FAM171A1: variants seen among roughly 807,000 people sequenced by gnomAD.
FAM171A1 encodes protein FAM171A1.
In FAM171A1, 23 loss-of-function variants were observed where a neutral mutation model predicts 74.9. That is an observed-to-expected ratio of 0.31 (90% CI 0.22 to 0.44). FAM171A1 has a LOEUF of 0.44. Ranked by LOEUF, FAM171A1 falls within the 20% of genes least tolerant of loss-of-function variation. The pLI is 1.00. For synonymous variants in FAM171A1, 527 were observed against 505.7 expected (o/e 1.04, Z -0.57); for missense variants, 1,162 against 1,159.2 (o/e 1.00, Z -0.03).
At chr10:15,285,952 G>C (rs1358046025) in intron 1 of FAM171A1, among the ~76,000 whole-genome samples, 3 of 152,220 alleles carry the variant, frequency 2.0e-5, no homozygotes, top group African/African-American at 7.2e-5. Flanking sequence ...TCTCACTGGA[G>C]GTTCGAATCT....
At chr10:15,373,664 T>C (rs1177531576), upstream of FAM171A1, among the ~76,000 whole-genome samples, 4 of 152,190 alleles carry the variant, frequency 2.6e-5, no homozygotes, top group African/African-American at 7.2e-5. Flanking sequence ...GGGAGAAGGA[T>C]AGATGTGACC....
At chr10:15,265,069 A>T (rs1052990236) in intron 3 of FAM171A1, among the ~76,000 whole-genome samples, 1 of 152,208 alleles carries the variant, frequency 6.6e-6, no homozygotes, top group African/African-American at 2.4e-5. Context: ...AATTTTAAAA[A>T]GCTGGCATGG....
At chr10:15,271,580 T>A (rs1834825488) in intron 3 of FAM171A1, among the ~76,000 whole-genome samples, 1 of 152,024 alleles carries the variant, frequency 6.6e-6, no homozygotes, top group Admixed American at 6.5e-5. Context: ...CACATAATTG[T>A]CAGATTCACC....
intron 4 of FAM171A1, among the ~76,000 whole-genome samples, chr10:15,251,400 C>T (rs893384722): frequency 4.1e-5 from 6 of 147,754 alleles, no homozygotes; most frequent in African/African-American, 7.5e-5. Flanking sequence ...TATTCTGCAA[C>T]GATTTTTTTT....
At chr10:15,315,387 T>C (rs886501070) in intron 1 of FAM171A1, among the ~76,000 whole-genome samples, 2 of 152,242 alleles carry the variant, frequency 1.3e-5, no homozygotes, top group African/African-American at 4.8e-5. Flanking sequence ...GTTTGATATG[T>C]GTAGAACATT....
intron 1 of FAM171A1, among the ~76,000 whole-genome samples, chr10:15,313,220 C>T (rs1835384467): frequency 6.6e-6 from 1 of 152,212 alleles, no homozygotes. Flanking sequence ...CACTGCTTTG[C>T]AGCAGTAAAC....
chr10:15,255,702 T>G (rs1237983517), intron 3 of FAM171A1, among the ~76,000 whole-genome samples: 1 of 151,308 alleles, frequency 6.6e-6, no homozygotes, highest in South Asian at 2.1e-4. Flanking sequence ...CAGGCTGGAG[T>G]GCAGCGGTGT....
At chr10:15,286,518 G>C (rs190586810) in intron 1 of FAM171A1, among the ~76,000 whole-genome samples, 1 of 152,130 alleles carries the variant, frequency 6.6e-6, no homozygotes, top group Admixed American at 6.5e-5. Flanking sequence ...CTGATGTCAG[G>C]TGATCCACCC....
chr10:15,353,121 T>C (rs888518057), intron 1 of FAM171A1, among the ~76,000 whole-genome samples: 3 of 152,184 alleles, frequency 2.0e-5, no homozygotes, highest in African/African-American at 7.2e-5. Context: ...TCCTTAGCCA[T>C]ATGCCTTATC....
At chr10:15,277,550 C>G (rs943503376) in intron 2 of FAM171A1, among the ~76,000 whole-genome samples, 2 of 152,132 alleles carry the variant, frequency 1.3e-5, no homozygotes, top group Non-Finnish European at 2.9e-5. Context: ...TTAACATGCC[C>G]ATTTCACAGG....
intron 3 of FAM171A1, among the ~76,000 whole-genome samples, chr10:15,267,109 C>T (rs753708501): frequency 1.3e-5 from 2 of 152,128 alleles, no homozygotes; most frequent in Non-Finnish European, 2.9e-5. Context: ...AATCCTAAGT[C>T]AAAGGCTAAA....
intron 1 of FAM171A1, among the ~76,000 whole-genome samples, chr10:15,286,514 T>G (rs1835037037): frequency 6.6e-6 from 1 of 152,144 alleles, no homozygotes; most frequent in Non-Finnish European, 1.5e-5. Context: ...ACTCCTGATG[T>G]CAGGTGATCC....
chr10:15,331,686 C>T (rs1387235492), intron 1 of FAM171A1, among the ~76,000 whole-genome samples: 4 of 151,696 alleles, frequency 2.6e-5, no homozygotes, highest in South Asian at 4.2e-4. Flanking sequence ...GAATACTGCA[C>T]ACCCAAAAGA....
At chr10:15,282,990 C>T (rs760005608) in intron 2 of FAM171A1, among the ~76,000 whole-genome samples, 1 of 152,134 alleles carries the variant, frequency 6.6e-6, no homozygotes, top group Non-Finnish European at 1.5e-5. Context: ...AACTAAAGGC[C>T]GAATATGCTC....
intron 1 of FAM171A1, among the ~76,000 whole-genome samples, chr10:15,314,261 A>G (rs1039211611): frequency 6.6e-6 from 1 of 151,912 alleles, no homozygotes; most frequent in African/African-American, 2.4e-5. Flanking sequence ...CATTCCTAGC[A>G]AAAAAGAAAA....
intron 5 of FAM171A1, among the ~76,000 whole-genome samples, chr10:15,223,190 A>G (rs1052962890): frequency 6.6e-6 from 1 of 152,184 alleles, no homozygotes; most frequent in Admixed American, 6.5e-5. Flanking sequence ...AAATAATTTT[A>G]AAAAGTAAGA....
intron 1 of FAM171A1, among the ~76,000 whole-genome samples, chr10:15,318,144 A>G (rs1835444540): frequency 6.6e-6 from 1 of 152,200 alleles, no homozygotes; most frequent in South Asian, 2.1e-4. Flanking sequence ...TTCTGGAGAC[A>G]CATGGTCTTG....
At chr10:15,277,692 A>C (rs1834911610) in intron 2 of FAM171A1, among the ~76,000 whole-genome samples, 1 of 152,200 alleles carries the variant, frequency 6.6e-6, no homozygotes, top group Non-Finnish European at 1.5e-5. Flanking sequence ...AGAGAGGTAA[A>C]TGACATTCTG....
chr10:15,352,388 C>T (rs536324800), intron 1 of FAM171A1, among the ~76,000 whole-genome samples: 3 of 152,246 alleles, frequency 2.0e-5, no homozygotes, highest in African/African-American at 7.2e-5. Context: ...AGGAATGGGC[C>T]TCACCCAATT....
Sources: gnomAD v4.1 joint callset for allele counts (sites outside exome capture counted in the v4.1 genomes callset) on GRCh38, gnomAD v4.1.1 for gene constraint, MANE v1.5 for transcripts, NCBI Gene and HGNC (gene_info 2026-07-23, HGNC 2026-07-21) for gene names.